HVCN1: variants seen among roughly 807,000 people sequenced by gnomAD.
HVCN1 encodes the protein hydrogen voltage gated channel 1.
A neutral mutation model predicts 29.2 loss-of-function variants in HVCN1; 14 were observed. The observed-to-expected ratio is 0.48, with a 90% CI of 0.32 to 0.75. The LOEUF (loss-of-function observed/expected upper bound fraction) is 0.75, where lower values mean the gene tolerates loss of function less well. Ranked by LOEUF, HVCN1 falls within the 30% of genes least tolerant of loss-of-function variation. The pLI, the probability that HVCN1 is intolerant of heterozygous loss-of-function variation, is 0.04. For synonymous variants in HVCN1, 131 were observed against 133.2 expected, an observed-to-expected ratio of 0.98 and a Z score of 0.11; for missense variants, 263 against 341.8, an observed-to-expected ratio of 0.77 and a Z score of 1.82.
chr12:110,656,549 C>G (rs1039191609), intron 4 of HVCN1, among the ~76,000 whole-genome samples: 1 of 152,182 alleles, frequency 6.6e-6, no homozygotes, highest in African/African-American at 2.4e-5. Context: ...CCCTTCTCTT[C>G]CCTTGGAAAT....
chr12:110,686,158 C>G lies in HVCN1; in HGVS notation c.-20+2467G>C, dbSNP rs148719882. On this transcript the variant is annotated intron_variant, in intron 2 of 7. Coordinates refer to ENST00000242607, the MANE Select transcript of HVCN1 (RefSeq NM_032369.4). ...GGATTATAAGTGCCCACCACCACGC[C>G]CAGCTAAAATTTTTTTTTGTATTTT... is the stretch of plus-strand genomic sequence containing the variant. 2.2e-3 allele frequency among the ~76,000 whole-genome samples: 335 copies of G among 151,822 alleles called. 2 individuals are homozygous for G. The highest frequency in any genetic ancestry group is 7.6e-3 in the African/African-American group (316 of 41,392).
chr12:110,662,896 T>C (rs1308946313), intron 3 of HVCN1, among the ~76,000 whole-genome samples: 1 of 152,126 alleles, frequency 6.6e-6, no homozygotes, highest in Non-Finnish European at 1.5e-5. Context: ...AAAGAAATCT[T>C]ATAAATCAAA....
At chr12:110,697,027 G>T (rs989814707) in intron 2 of HVCN1, among the ~76,000 whole-genome samples, 2 of 151,968 alleles carry the variant, frequency 1.3e-5, no homozygotes, top group African/African-American at 2.4e-5. Context: ...GGAACTGTGG[G>T]TGGCATGGAC....
chr12:110,684,550 G>A (rs953567594), intron 2 of HVCN1, among the ~76,000 whole-genome samples: 4 of 152,114 alleles, frequency 2.6e-5, no homozygotes, highest in Non-Finnish European at 5.9e-5. Flanking sequence ...GTCACATTAC[G>A]GCAGAGTCTA....
chr12:110,696,971 A>C (rs907293894), intron 2 of HVCN1, among the ~76,000 whole-genome samples: 2 of 151,902 alleles, frequency 1.3e-5, no homozygotes, highest in East Asian at 3.9e-4. Flanking sequence ...GGGAAGGAAA[A>C]AGGGGCATGA....
chr12:110,700,413 C>T (rs1355607424), intron 2 of HVCN1, among the ~76,000 whole-genome samples: 2 of 152,026 alleles, frequency 1.3e-5, no homozygotes, highest in African/African-American at 4.8e-5. Context: ...AGCTGGGTCT[C>T]CTGGGCTAGG....
chr12:110,673,816 G>T (rs1593496684), intron 3 of HVCN1, among the ~76,000 whole-genome samples: 3 of 152,374 alleles, frequency 2.0e-5, no homozygotes. Flanking sequence ...GTTTGGAAAT[G>T]CCTGAATGCC....
Position 110,655,330 on chromosome 12 carries a change from G to T in HVCN1, c.315C>A (p.Ile105=). The change falls in exon 5 of 8, where the codon ATC becomes ATA. Residue 105 remains isoleucine (I), a synonymous_variant. Transcript: ENST00000242607. The stretch of plus-strand genomic sequence containing the variant: ...GGGCATCCAGAACCACCAAGCAGAT[G>T]ATGATGACCTGTGGGCCGAGGGAAG... The part of the protein sequence containing the change: ...LFSSHRFQVI[I]ICLVVLDALL... 5 of 1,613,382 alleles carry T rather than the reference G, an allele frequency of 3.1e-6. No individual in the cohort carries two copies. Among genetic ancestry groups the T allele is most frequent in the Non-Finnish European group, 4.2e-6 (5 of 1,179,422 alleles).
intron 3 of HVCN1, among the ~76,000 whole-genome samples, chr12:110,670,645 C>T (rs1053919612): frequency 6.6e-5 from 10 of 152,076 alleles, no homozygotes; most frequent in Non-Finnish European, 1.2e-4. Context: ...CCCCTGGGCT[C>T]CATGACTTGG....
At chr12:110,668,365 C>T (rs941586351) in intron 3 of HVCN1, among the ~76,000 whole-genome samples, 3 of 152,038 alleles carry the variant, frequency 2.0e-5, no homozygotes, top group East Asian at 1.9e-4. Context: ...AATAGCCAGG[C>T]GTGGTGGTGG....
At chr12:110,669,237 A>G (rs1401499478) in intron 3 of HVCN1, among the ~76,000 whole-genome samples, 4 of 150,524 alleles carry the variant, frequency 2.7e-5, no homozygotes. Flanking sequence ...CTTCTCCCTC[A>G]CACCCCATCG....
At chr12:110,679,888 A>G (rs966945074) in intron 3 of HVCN1, among the ~76,000 whole-genome samples, 3 of 151,208 alleles carry the variant, frequency 2.0e-5, no homozygotes, top group Non-Finnish European at 4.4e-5. Flanking sequence ...GGAAAACTGA[A>G]GCTTTGGGAG....
At chr12:110,663,694 C>G (rs1307955983) in intron 3 of HVCN1, among the ~76,000 whole-genome samples, 1 of 149,528 alleles carries the variant, frequency 6.7e-6, no homozygotes, top group Non-Finnish European at 1.5e-5. Context: ...GGACACTATA[C>G]AGCAGTTAAA....
chr12:110,691,779 C>T (rs1566069614), upstream of HVCN1, among the ~76,000 whole-genome samples: 1 of 152,198 alleles, frequency 6.6e-6, no homozygotes, highest in Non-Finnish European at 1.5e-5. Context: ...GCTACCTTCC[C>T]CCATCCCTTC....
chr12:110,664,025 C>A (rs2068265527), intron 3 of HVCN1, among the ~76,000 whole-genome samples: 1 of 152,188 alleles, frequency 6.6e-6, no homozygotes. Context: ...TCAAGCAATT[C>A]TCCTGCCTCA....
At chr12:110,680,830 T>C (rs2068939746) in intron 3 of HVCN1, among the ~76,000 whole-genome samples, 1 of 152,146 alleles carries the variant, frequency 6.6e-6, no homozygotes, top group Non-Finnish European at 1.5e-5. Flanking sequence ...CTAGGGTGGC[T>C]GAGGCCCAAG....
intron 4 of HVCN1, among the ~76,000 whole-genome samples, chr12:110,660,399 C>T (rs1010264772): frequency 6.6e-6 from 1 of 152,200 alleles, no homozygotes; most frequent in African/African-American, 2.4e-5. Flanking sequence ...TGGGCTAAGG[C>T]CAGGACAGGC....
intron 5 of HVCN1, 135 bp downstream of exon 5, chr12:110,655,099 C>A: frequency 1.6e-6 from 1 of 606,366 alleles, no homozygotes; most frequent in Non-Finnish European, 3.1e-6. Context: ...GAAAGGAAGA[C>A]GAAAACACCT....
chr12:110,656,677 A>G (rs2068002705), intron 4 of HVCN1, among the ~76,000 whole-genome samples: 1 of 152,212 alleles, frequency 6.6e-6, no homozygotes, highest in African/African-American at 2.4e-5. Flanking sequence ...CTGCAGTTTC[A>G]GGTTAAAATT....
Sources: gnomAD v4.1 joint callset for allele counts (sites outside exome capture counted in the v4.1 genomes callset) on GRCh38, gnomAD v4.1.1 for gene constraint, MANE v1.5 for transcripts, NCBI Gene and HGNC (gene_info 2026-07-23, HGNC 2026-07-21) for gene names.